The following ADAM12 variants were observed in gnomAD, a reference collection of about 807,000 sequenced individuals.
ADAM12 encodes the protein disintegrin and metalloproteinase domain-containing protein 12.
A neutral mutation model predicts 106.4 loss-of-function variants in ADAM12; 70 were observed. The observed-to-expected ratio is 0.66, with a 90% CI of 0.54 to 0.80. ADAM12 has a LOEUF of 0.80. Among genes scored for constraint, ADAM12 ranks in the 30% least tolerant of loss-of-function variants. The pLI is 0.00. For missense variants in ADAM12, 1,010 were observed against 1,171.9 expected, an observed-to-expected ratio of 0.86 and a Z score of 2.02; for synonymous variants, 420 against 433.5, an observed-to-expected ratio of 0.97 and a Z score of 0.39.
rs151310570 is a variant in ADAM12, at chr10:126,372,299, C to T, written c.88+15759G>A. ...ACAGTGATACCATGTGCCCCCTGTA[C>T]CATCAAAAGAGAAGACCTTAAATTA... On this transcript the variant is annotated intron_variant, in intron 1 of 22. Transcript: ENST00000448723. Among the ~76,000 whole-genome samples the T allele has an allele frequency of 1.2e-3, 180 of 152,292 alleles. 1 individual carries two copies. The Middle Eastern group carries it at 0.024, about 20-fold the overall frequency.
intron 5 of ADAM12, among the ~76,000 whole-genome samples, chr10:126,131,104 CTT>C (rs71029289): frequency 4.0e-5 from 4 of 100,936 alleles, no homozygotes; most frequent in Admixed American, 1.1e-4. Context: ...CAGCTGTCTT[CTT>C]TTTTTTTTTT....
intron 4 of ADAM12, among the ~76,000 whole-genome samples, chr10:126,138,068 T>C (rs573706956): frequency 6.6e-6 from 1 of 152,346 alleles, no homozygotes; most frequent in East Asian, 1.9e-4. Context: ...CTTGTTATTG[T>C]TTATCTTTTC....
intron 2 of ADAM12, among the ~76,000 whole-genome samples, chr10:126,309,040 G>A (rs1044576106): frequency 3.3e-5 from 5 of 152,214 alleles, no homozygotes; most frequent in South Asian, 4.1e-4. Flanking sequence ...GGGGAACCAC[G>A]GTTCTCCCAC....
At chr10:126,254,167 A>G (rs1042177727) in intron 3 of ADAM12, among the ~76,000 whole-genome samples, 2 of 152,130 alleles carry the variant, frequency 1.3e-5, no homozygotes, top group African/African-American at 4.8e-5. Context: ...CCATTAGAAC[A>G]GGTTTGTAGC....
At position 126,083,726 on chromosome 10, in the gene ADAM12, C is replaced by T. The variant is rs115134346; in HGVS notation, c.1145+10259G>A. The stretch of plus-strand genomic sequence containing the variant: ...ATGAGCTGCAGGCAGGGGAAATAGG[C>T]GCCCCGCCTCAAAAGCCTCGTGACT... On this transcript the variant is annotated intron_variant, in intron 11 of 22. Coordinates refer to ENST00000448723, the MANE Select transcript of ADAM12 (RefSeq NM_001288973.2). Among the ~76,000 whole-genome samples the T allele has an allele frequency of 8.1e-3, 1,230 of 152,326 alleles. 22 individuals are homozygous for T. The highest frequency in any genetic ancestry group is 0.027 in the African/African-American group (1,140 of 41,564).
rs537258492 is a variant in ADAM12, at chr10:126,349,850, A to C, written c.89-19341T>G. ...TCTGCTAAGCAGAAAAAGATTACAT[A>C]ATGGAACTCTCCGTGGGCAGAATCA... is the stretch of plus-strand genomic sequence containing the variant. On this transcript the variant is annotated intron_variant, in intron 1 of 22. Transcript: ENST00000448723. Among the ~76,000 whole-genome samples the C allele has an allele frequency of 2.6e-5, 4 of 152,350 alleles. No homozygotes were observed. The South Asian group carries it at 6.2e-4, about 24-fold the overall frequency.
intron 1 of ADAM12, among the ~76,000 whole-genome samples, chr10:126,355,913 A>C (rs1855521932): frequency 6.6e-6 from 1 of 152,224 alleles, no homozygotes; most frequent in South Asian, 2.1e-4. Context: ...CCAAGTGGTG[A>C]AAAGTTGTGC....
intron 3 of ADAM12, among the ~76,000 whole-genome samples, chr10:126,213,739 C>A (rs1444320845): frequency 2.0e-5 from 3 of 152,162 alleles, no homozygotes; most frequent in Admixed American, 6.5e-5. Context: ...CCAGTGATGC[C>A]AAAAGCATTC....
chr10:126,134,999 A>G (rs1024454279), intron 5 of ADAM12, among the ~76,000 whole-genome samples: 1 of 152,242 alleles, frequency 6.6e-6, no homozygotes, highest in Non-Finnish European at 1.5e-5. Flanking sequence ...GATGGCCAAT[A>G]ACTGTGATGT....
chr10:126,191,732 G>A (rs1957505156), intron 3 of ADAM12, among the ~76,000 whole-genome samples: 1 of 152,148 alleles, frequency 6.6e-6, no homozygotes, highest in South Asian at 2.1e-4. Flanking sequence ...GTAGAACTCG[G>A]GAGCCAGCAA....
intron 3 of ADAM12, among the ~76,000 whole-genome samples, chr10:126,212,958 G>A (rs1245682465): frequency 6.6e-6 from 1 of 150,990 alleles, no homozygotes; most frequent in East Asian, 1.9e-4. Flanking sequence ...GCCTTTGAAT[G>A]CACATAATTT....
chr10:126,079,571 G>C (rs905491766), intron 11 of ADAM12, among the ~76,000 whole-genome samples: 3 of 152,138 alleles, frequency 2.0e-5, no homozygotes, highest in Non-Finnish European at 2.9e-5. Flanking sequence ...TTTGCTATCT[G>C]CTCATCTGTT....
At chr10:126,051,276 G>A (rs998138068) in intron 14 of ADAM12, among the ~76,000 whole-genome samples, 1 of 152,160 alleles carries the variant, frequency 6.6e-6, no homozygotes, top group Non-Finnish European at 1.5e-5. Flanking sequence ...TTCAACAATT[G>A]TTTGTGTTTT....
At chr10:126,195,567 T>C (rs1381807957) in intron 3 of ADAM12, among the ~76,000 whole-genome samples, 1 of 151,966 alleles carries the variant, frequency 6.6e-6, no homozygotes, top group African/African-American at 2.4e-5. Flanking sequence ...AGAGCAAAAC[T>C]CCATCCCCCA....
chr10:126,336,617 T>G (rs1034270216), intron 1 of ADAM12, among the ~76,000 whole-genome samples: 2 of 152,160 alleles, frequency 1.3e-5, no homozygotes, highest in African/African-American at 4.8e-5. Flanking sequence ...CAAGTTGAAA[T>G]AAAAACTTAA....
intron 1 of ADAM12, 118 bp downstream of exon 1, chr10:126,387,940 C>G (rs1856733918): frequency 1.7e-6 from 2 of 1,147,664 alleles, no homozygotes; most frequent in Non-Finnish European, 2.1e-6. Flanking sequence ...CCCGGGGCTC[C>G]GGAGATGCGC....
At chr10:126,200,710 C>T (rs1957682724) in intron 3 of ADAM12, among the ~76,000 whole-genome samples, 1 of 152,174 alleles carries the variant, frequency 6.6e-6, no homozygotes, top group African/African-American at 2.4e-5. Flanking sequence ...CAACAAAGCA[C>T]CAGATGAGAA....
At chr10:126,092,321 C>T (rs1184148191) in intron 11 of ADAM12, among the ~76,000 whole-genome samples, 1 of 152,196 alleles carries the variant, frequency 6.6e-6, no homozygotes, top group Admixed American at 6.5e-5. Context: ...GCACATCAGT[C>T]TCCTGCCAAA....
intron 1 of ADAM12, among the ~76,000 whole-genome samples, chr10:126,374,771 C>T (rs185307378): frequency 5.9e-5 from 9 of 152,246 alleles, no homozygotes; most frequent in African/African-American, 1.2e-4. Context: ...GAAGCAAAAA[C>T]GGCAAGGCAG....
Sources: gnomAD v4.1 joint callset for allele counts (sites outside exome capture counted in the v4.1 genomes callset) on GRCh38, gnomAD v4.1.1 for gene constraint, MANE v1.5 for transcripts, NCBI Gene and HGNC (gene_info 2026-07-23, HGNC 2026-07-21) for gene names.